ROBO1: variants seen among roughly 807,000 people sequenced by gnomAD.
The protein encoded by ROBO1 is roundabout homolog 1.
In ROBO1, 149 loss-of-function variants were observed where a neutral mutation model predicts 195.9. That is an observed-to-expected ratio of 0.76 (90% CI 0.67 to 0.87). The LOEUF (loss-of-function observed/expected upper bound fraction) is 0.87, where lower values mean the gene tolerates loss of function less well. Among genes scored for constraint, ROBO1 ranks in the 40% least tolerant of loss-of-function variants. ROBO1 has a pLI of 0.00. For missense variants in ROBO1, 1,933 were observed against 2,068.3 expected, an observed-to-expected ratio of 0.93 and a Z score of 1.27; for synonymous variants, 816 against 733.2, an observed-to-expected ratio of 1.11 and a Z score of -1.82.
intron 3 of ROBO1, among the ~76,000 whole-genome samples, chr3:78,964,099 C>T (rs772455665): frequency 2.6e-5 from 4 of 152,148 alleles, no homozygotes; most frequent in Non-Finnish European, 5.9e-5. Context: ...GCGGCTGCTG[C>T]ATCACCTATC....
chr3:79,001,323 AACTC>A (rs1281760102), intron 3 of ROBO1, among the ~76,000 whole-genome samples: 1 of 152,110 alleles, frequency 6.6e-6, no homozygotes, highest in Non-Finnish European at 1.5e-5. Flanking sequence ...ATCTCATGAG[AACTC>A]ACTCACTATC....
chr3:78,838,480 G>C (rs72896408), intron 4 of ROBO1, among the ~76,000 whole-genome samples: 4,893 of 152,258 alleles, frequency 0.032, 205 homozygotes, highest in African/African-American at 0.1. Context: ...GTCTGGAAAA[G>C]TTGAAGACTG....
chr3:79,613,382 C>A (rs1944724300), intron 1 of ROBO1, among the ~76,000 whole-genome samples: 1 of 151,520 alleles, frequency 6.6e-6, no homozygotes, highest in Admixed American at 6.6e-5. Context: ...TGAGCAACAG[C>A]TGAGAAAGAA....
At chr3:79,042,147 C>A (rs946522642) in intron 3 of ROBO1, among the ~76,000 whole-genome samples, 4 of 152,184 alleles carry the variant, frequency 2.6e-5, no homozygotes, top group Admixed American at 6.5e-5. Flanking sequence ...TATACACATA[C>A]ATACAGGTCC....
chr3:79,478,346 G>A (rs183483860), intron 2 of ROBO1, among the ~76,000 whole-genome samples: 1 of 151,994 alleles, frequency 6.6e-6, no homozygotes, highest in African/African-American at 2.4e-5. Context: ...CAAGGGTTAA[G>A]AAATACAGCT....
intron 2 of ROBO1, among the ~76,000 whole-genome samples, chr3:79,158,153 A>T (rs2080891702): frequency 6.6e-6 from 1 of 151,842 alleles, no homozygotes; most frequent in South Asian, 2.1e-4. Flanking sequence ...TTTTAGTCAC[A>T]TAATAGTTGA....
intron 2 of ROBO1, among the ~76,000 whole-genome samples, chr3:79,484,755 C>CTGTTTTTTTTTTTTTTTTTTTTTTTTTT (rs1939061819): frequency 1.5e-5 from 1 of 66,884 alleles, no homozygotes; most frequent in Non-Finnish European, 2.7e-5. Context: ...ATTGCACTAT[C>CTGTTTTTTTTTTTTTTTTTTTTTTTTTT]TTTTTTTTTT....
chr3:78,664,736 C>A (rs771632131), intron 14 of ROBO1, among the ~76,000 whole-genome samples: 1 of 152,134 alleles, frequency 6.6e-6, no homozygotes, highest in Non-Finnish European at 1.5e-5. Context: ...AGAAATTATG[C>A]CTGCTCCCTT....
At chr3:79,391,388 C>T (rs905733376) in intron 2 of ROBO1, among the ~76,000 whole-genome samples, 2 of 152,134 alleles carry the variant, frequency 1.3e-5, no homozygotes, top group African/African-American at 4.8e-5. Context: ...ATTATTTTTA[C>T]AATTTTTAAA....
intron 2 of ROBO1, among the ~76,000 whole-genome samples, chr3:79,490,493 A>G (rs1308631746): frequency 2.6e-5 from 4 of 152,248 alleles, no homozygotes; most frequent in Non-Finnish European, 5.9e-5. Context: ...AAAAAGGAAC[A>G]GCCAGAAAAC....
rs535324520 is a variant in ROBO1, at chr3:78,755,132, G to A, written c.500-8232C>T. Among the ~76,000 whole-genome samples the A allele has an allele frequency of 3.9e-5, 6 of 152,282 alleles. No homozygotes were observed. The South Asian group carries it at 1.2e-3, about 32-fold the overall frequency. ...TATAATGAAATTCTCATACTTCAGTGTTCATTCTAGCTGCTCTGTGAATGA... is the reference window on the plus strand; with the variant it reads ...TATAATGAAATTCTCATACTTCAGTATTCATTCTAGCTGCTCTGTGAATGA... On this transcript the variant is annotated intron_variant, in intron 4 of 30. Transcript: ENST00000464233.
chr3:79,240,178 A>C (rs974105831), intron 2 of ROBO1, among the ~76,000 whole-genome samples: 2 of 152,214 alleles, frequency 1.3e-5, no homozygotes, highest in African/African-American at 4.8e-5. Context: ...GATGGTCACT[A>C]TTATACAATA....
intron 3 of ROBO1, among the ~76,000 whole-genome samples, chr3:78,949,783 A>G (rs901527766): frequency 1.3e-5 from 2 of 152,212 alleles, no homozygotes; most frequent in Non-Finnish European, 2.9e-5. Flanking sequence ...GCTAATATCC[A>G]GAATCTACAA....
intron 4 of ROBO1, among the ~76,000 whole-genome samples, chr3:78,818,720 T>G (rs1324953740): frequency 6.6e-6 from 1 of 152,196 alleles, no homozygotes; most frequent in African/African-American, 2.4e-5. Flanking sequence ...GAGCATTTGT[T>G]TGCAAGTTCC....
Position 78,659,698 on chromosome 3 carries a change from G to A in ROBO1, c.2430C>T (p.Val810=). 6.5e-7 allele frequency: 1 copy of A among 1,549,676 alleles called. No individual in the cohort carries two copies. The highest frequency in any genetic ancestry group is 1.2e-5 in the South Asian group (1 of 84,058). Residue 810 remains valine, a synonymous_variant, in exon 17 of 31, where the codon GTC becomes GTT. Coordinates refer to ENST00000464233, the MANE Select transcript of ROBO1 (RefSeq NM_002941.4). The part of the protein sequence containing the change: ...PPPEDTQNGM[V]QEYKVWCLGN... ...ATTATACTCATACCTTATACTCTTG[G>A]ACCATTCCATTTTGAGTGTCTTCTG...
At chr3:79,330,573 T>A (rs867562284) in intron 2 of ROBO1, among the ~76,000 whole-genome samples, 42 of 150,902 alleles carry the variant, frequency 2.8e-4, no homozygotes, top group African/African-American at 9.7e-4. Flanking sequence ...TTTCACCCTG[T>A]CTATGGCTAC....
intron 2 of ROBO1, among the ~76,000 whole-genome samples, chr3:79,366,318 G>A (rs114642504): frequency 1.8e-3 from 275 of 152,136 alleles, no homozygotes; most frequent in African/African-American, 6.3e-3. Context: ...AGTATGGGAG[G>A]GCAATAGTTT....
intron 3 of ROBO1, among the ~76,000 whole-genome samples, chr3:79,007,576 C>T (rs924918328): frequency 5.9e-5 from 9 of 152,150 alleles, no homozygotes; most frequent in African/African-American, 7.2e-5. Context: ...ATTAGGTTAT[C>T]AAATTTATAT....
intron 4 of ROBO1, among the ~76,000 whole-genome samples, chr3:78,883,433 G>A (rs1317395129): frequency 6.6e-6 from 1 of 152,120 alleles, no homozygotes; most frequent in African/African-American, 2.4e-5. Flanking sequence ...CCAGGCTGGA[G>A]TGCAGTGGCA....
Sources: gnomAD v4.1 joint callset for allele counts (sites outside exome capture counted in the v4.1 genomes callset) on GRCh38, gnomAD v4.1.1 for gene constraint, MANE v1.5 for transcripts, NCBI Gene and HGNC (gene_info 2026-07-23, HGNC 2026-07-21) for gene names.